The following RNF138 variants were observed in gnomAD, a reference collection of about 807,000 sequenced individuals.
The protein encoded by RNF138 is E3 ubiquitin-protein ligase RNF138.
In RNF138, 12 loss-of-function variants were observed where a neutral mutation model predicts 31.0. The observed-to-expected ratio is 0.39, with a 90% confidence interval of 0.25 to 0.63. RNF138 has a LOEUF of 0.63. RNF138 is among the 20% of genes least tolerant of loss of function. RNF138 has a pLI of 0.52. For missense variants in RNF138, 192 were observed against 300.1 expected, an observed-to-expected ratio of 0.64 and a Z score of 2.66; for synonymous variants, 105 against 99.5, an observed-to-expected ratio of 1.06 and a Z score of -0.33.
intron 5 of RNF138, chr18:32,124,362 G>C (rs2040353007): frequency 6.2e-6 from 1 of 160,162 alleles, no homozygotes; most frequent in Non-Finnish European, 1.4e-5. Flanking sequence ...GCAAAATGTG[G>C]AATACTACAG....
chr18:32,107,212 C>A (rs961898830), intron 2 of RNF138, among the ~76,000 whole-genome samples: 1 of 149,338 alleles, frequency 6.7e-6, no homozygotes, highest in African/African-American at 2.5e-5. Context: ...CCTCTGCCTC[C>A]CGGGTTTAAG....
At chr18:32,128,583 T>G (rs1035831472) in intron 7 of RNF138, among the ~76,000 whole-genome samples, 8 of 152,252 alleles carry the variant, frequency 5.3e-5, no homozygotes, top group African/African-American at 1.9e-4. Flanking sequence ...GCTTGTTTTC[T>G]TAAAATCAGT....
In RNF138 at chr18:32,129,877, TTGAC is replaced by T. The variant is rs1256262386; in HGVS notation, c.*694_*697del. On this transcript the variant is annotated 3_prime_UTR_variant, in exon 8 of 8. Coordinates refer to ENST00000261593, the MANE Select transcript of RNF138 (RefSeq NM_016271.5). ...CATGGGCATTTGATAATTTCAGTCT[TTGAC>T]TGATTTGTAAGCCTAGAATATACTA... The T allele has an allele frequency of 3.3e-5, 5 of 150,556 alleles. No homozygotes were observed. The highest frequency in any genetic ancestry group is 1.9e-4 in the East Asian group (1 of 5,202). The allele number at this position is 150,556 out of a possible 1,614,324, so 9.3% of individuals were successfully genotyped here. A position where few individuals can be genotyped will look rare whatever the true frequency, so the allele number is the denominator to read the frequency against.
At chr18:32,110,301 T>C (rs1350318565) in intron 2 of RNF138, among the ~76,000 whole-genome samples, 1 of 152,214 alleles carries the variant, frequency 6.6e-6, no homozygotes, top group Non-Finnish European at 1.5e-5. Context: ...CCTAATGTTT[T>C]AGTTTATGGT....
chr18:32,092,726 C>T lies in RNF138; in HGVS notation c.-51C>T, dbSNP rs2039720285. The T allele has an allele frequency of 1.5e-5, 18 of 1,225,600 alleles. No homozygotes were observed. The highest frequency in any genetic ancestry group is 2.0e-5 in the Non-Finnish European group (17 of 863,476). 75.9% of individuals were successfully genotyped at this position (1,225,600 alleles called of 1,614,324 possible). A position where few individuals can be genotyped will look rare whatever the true frequency, so the allele number is the denominator to read the frequency against. On this transcript the variant is annotated 5_prime_UTR_variant, in exon 2 of 8. Coordinates refer to ENST00000261593, the MANE Select transcript of RNF138 (RefSeq NM_016271.5). ...GAGTCGGGCCCCGGGCCGCCACCGT[C>T]ACCTCGGCCGCTGCCGCTGTCGCCA...
At chr18:32,113,952 T>TA in intron 4 of RNF138, 92 bp downstream of exon 4, 1 of 647,016 alleles carries the variant, frequency 1.5e-6, no homozygotes, top group Non-Finnish European at 2.7e-6. Context: ...GGGGGATGTG[T>TA]GTGTGTGTAT....
chr18:32,103,170 ATTTG>A (rs970406633), intron 2 of RNF138, among the ~76,000 whole-genome samples: 32 of 151,984 alleles, frequency 2.1e-4, no homozygotes, highest in Non-Finnish European at 3.7e-4. Flanking sequence ...TTCATTCAGC[ATTTG>A]TTTATTTTTC....
intron 6 of RNF138, among the ~76,000 whole-genome samples, chr18:32,126,193 G>C (rs1050184653): frequency 1.3e-5 from 2 of 152,144 alleles, no homozygotes; most frequent in African/African-American, 4.8e-5. Flanking sequence ...TCAGGAATTT[G>C]AGACCCAGCC....
intron 2 of RNF138, among the ~76,000 whole-genome samples, chr18:32,098,340 G>T (rs929694255): frequency 6.6e-6 from 1 of 151,748 alleles, no homozygotes; most frequent in Non-Finnish European, 1.5e-5. Context: ...TTAGAGATGG[G>T]GTCTTGCTTT....
At chr18:32,099,826 GTTAC>G (rs2039887304) in intron 2 of RNF138, among the ~76,000 whole-genome samples, 1 of 152,200 alleles carries the variant, frequency 6.6e-6, no homozygotes, top group Non-Finnish European at 1.5e-5. Context: ...AAGATCTCCT[GTTAC>G]TTACTTAAGC....
At chr18:32,113,972 T>C in intron 4 of RNF138, 112 bp downstream of exon 4, 1 of 579,200 alleles carries the variant, frequency 1.7e-6, no homozygotes, top group South Asian at 2.4e-5. Context: ...TGTGCACATG[T>C]GTTTTTAAAG....
intron 2 of RNF138, among the ~76,000 whole-genome samples, chr18:32,111,278 T>C (rs776421560): frequency 1.3e-5 from 2 of 152,226 alleles, no homozygotes; most frequent in African/African-American, 2.4e-5. Context: ...GTAGTAGACC[T>C]GTTTATGTCT....
intron 2 of RNF138, among the ~76,000 whole-genome samples, chr18:32,094,802 G>A (rs1156945395): frequency 1.3e-5 from 2 of 152,110 alleles, no homozygotes; most frequent in Non-Finnish European, 2.9e-5. Context: ...ATATAAAGCA[G>A]GTCTTTTTTG....
intron 2 of RNF138, among the ~76,000 whole-genome samples, chr18:32,097,262 A>C (rs2039825680): frequency 6.6e-6 from 1 of 152,218 alleles, no homozygotes; most frequent in Non-Finnish European, 1.5e-5. Context: ...TATTGCAATA[A>C]AAATTACATA....
intron 2 of RNF138, among the ~76,000 whole-genome samples, chr18:32,098,162 A>G (rs2039849069): frequency 6.6e-6 from 1 of 151,518 alleles, no homozygotes; most frequent in African/African-American, 2.4e-5. Flanking sequence ...AATTTTTTGT[A>G]TTTTTAGTAG....
intron 2 of RNF138, among the ~76,000 whole-genome samples, chr18:32,109,873 G>T (rs892065661): frequency 6.6e-6 from 1 of 152,184 alleles, no homozygotes; most frequent in African/African-American, 2.4e-5. Flanking sequence ...GCGACAGAGC[G>T]AGGCTCTGTC....
At chr18:32,128,193 G>C (rs958336246) in intron 7 of RNF138, among the ~76,000 whole-genome samples, 1 of 152,152 alleles carries the variant, frequency 6.6e-6, no homozygotes, top group Non-Finnish European at 1.5e-5. Context: ...TTAAATTAAG[G>C]AGTAGTTTTA....
At chr18:32,099,306 A>C (rs937362488) in intron 2 of RNF138, among the ~76,000 whole-genome samples, 2 of 152,208 alleles carry the variant, frequency 1.3e-5, no homozygotes, top group East Asian at 3.8e-4. Flanking sequence ...ATTCCAGCCC[A>C]AAGTGAGATG....
At chr18:32,106,935 C>T (rs2040039742) in intron 2 of RNF138, among the ~76,000 whole-genome samples, 1 of 151,850 alleles carries the variant, frequency 6.6e-6, no homozygotes, top group South Asian at 2.1e-4. Flanking sequence ...TGTACAGGTC[C>T]TTCACTTGTC....
Sources: gnomAD v4.1 joint callset for allele counts (sites outside exome capture counted in the v4.1 genomes callset) on GRCh38, gnomAD v4.1.1 for gene constraint, MANE v1.5 for transcripts, NCBI Gene and HGNC (gene_info 2026-07-23, HGNC 2026-07-21) for gene names.